Variants in ZEB2 observed in about 807,000 individuals in gnomAD.
ZEB2 encodes the protein zinc finger E-box-binding homeobox 2.
In ZEB2, 6 loss-of-function variants were observed where a neutral mutation model predicts 99.9. The observed-to-expected ratio is 0.06, with a 90% CI of 0.03 to 0.12. The LOEUF (loss-of-function observed/expected upper bound fraction) is 0.12, where lower values mean the gene tolerates loss of function less well. ZEB2 is among the 10% of genes least tolerant of loss of function. The probability of loss-of-function intolerance (pLI) is 1.00; values close to 1 mark genes in which losing one functional copy is unlikely to be tolerated. For missense variants in ZEB2, 969 were observed against 1,502.8 expected (o/e 0.64, Z 5.87); for synonymous variants, 517 against 542.5 (o/e 0.95, Z 0.65).
intron 2 of ZEB2, among the ~76,000 whole-genome samples, chr2:144,498,458 C>T (rs1415395306): frequency 6.6e-6 from 1 of 151,718 alleles, no homozygotes. Context: ...ATCCAGGAAG[C>T]CATTCTTTGA....
intron 4 of ZEB2, among the ~76,000 whole-genome samples, chr2:144,406,339 A>C (rs953171615): frequency 3.9e-5 from 6 of 152,236 alleles, no homozygotes; most frequent in Admixed American, 3.9e-4. Flanking sequence ...GGAAGCCATG[A>C]GAGAGATTAA....
chr2:144,487,360 CAA>C (rs1185313098), intron 2 of ZEB2, among the ~76,000 whole-genome samples: 2 of 151,932 alleles, frequency 1.3e-5, no homozygotes, highest in Admixed American at 1.3e-4. Flanking sequence ...ATATCAGGAA[CAA>C]TTTTGAATGA....
intron 2 of ZEB2, among the ~76,000 whole-genome samples, chr2:144,482,680 T>C (rs1214595631): frequency 2.0e-5 from 3 of 152,172 alleles, no homozygotes; most frequent in Admixed American, 2.0e-4. Flanking sequence ...ACCTCTGTCC[T>C]AAAAGTTTTC....
chr2:144,449,477 C>G lies in ZEB2; in HGVS notation c.74-19451G>C, dbSNP rs533598756. Among the ~76,000 whole-genome samples the G allele has an allele frequency of 2.6e-4, 40 of 152,312 alleles. 1 individual carries two copies. In the South Asian group the frequency reaches 4.1e-3, roughly 16 times the overall value. ...TAAAAAACAACAATGCTAACAAAAC[C>G]CATGAACACCTATAACAAGTACAGC... On this transcript the variant is annotated intron_variant, in intron 2 of 9. Transcript: ENST00000627532.
At chr2:144,423,704 C>T (rs999966536) in intron 4 of ZEB2, among the ~76,000 whole-genome samples, 2 of 152,054 alleles carry the variant, frequency 1.3e-5, no homozygotes, top group Non-Finnish European at 2.9e-5. Context: ...AATAGAATGA[C>T]AATAGGTTTT....
intron 2 of ZEB2, among the ~76,000 whole-genome samples, chr2:144,433,354 T>C (rs1703798137): frequency 6.6e-6 from 1 of 152,206 alleles, no homozygotes; most frequent in Admixed American, 6.5e-5. Flanking sequence ...CCTATAATTA[T>C]ATACAGGTAC....
In ZEB2 at chr2:144,519,942, C is replaced by T. The variant is rs1375991971; in HGVS notation, c.-73G>A. ...AAGGGGAGGAAAAAAAACCTACCTG[C>T]GAAGTCTTGTTTGTAGTTTTGGCCA... On this transcript the variant is annotated 5_prime_UTR_variant, in exon 1 of 10. Coordinates refer to ENST00000627532, the MANE Select transcript of ZEB2 (RefSeq NM_014795.4). 1 of 449,440 alleles carries T rather than the reference C, an allele frequency of 2.2e-6. No homozygotes were observed. The highest frequency in any genetic ancestry group is 4.4e-6 in the Non-Finnish European group (1 of 224,868). 27.8% of individuals were successfully genotyped at this position (449,440 alleles called of 1,614,324 possible).
intron 2 of ZEB2, among the ~76,000 whole-genome samples, chr2:144,473,322 T>C (rs750707009): frequency 3.3e-5 from 5 of 152,226 alleles, no homozygotes; most frequent in Non-Finnish European, 5.9e-5. Context: ...AGTAGTTTTA[T>C]GTCATGGTAT....
chr2:144,513,761 C>G, intron 2 of ZEB2: 1 of 1,536,078 alleles, frequency 6.5e-7, no homozygotes, highest in Non-Finnish European at 8.7e-7. Context: ...AGCAGCAGGG[C>G]ATCTCCCGCT....
chr2:144,426,916 A>C (rs1703697244), intron 3 of ZEB2: 1 of 152,216 alleles, frequency 6.6e-6, no homozygotes, highest in Non-Finnish European at 1.5e-5. Flanking sequence ...GTTTCAAGTG[A>C]ATCCATATTC....
chr2:144,498,118 T>C lies in ZEB2; in HGVS notation c.73+19160A>G, dbSNP rs181597218. Among the ~76,000 whole-genome samples, 76 of 85,696 alleles carry C rather than the reference T, an allele frequency of 8.9e-4. 2 individuals are homozygous for C. Among genetic ancestry groups the C allele is most frequent in the African/African-American group, 3.9e-3 (74 of 19,064 alleles). The allele number at this position is 85,696 out of a possible 152,430, so 56.2% of individuals were successfully genotyped here. On this transcript the variant is annotated intron_variant, in intron 2 of 9. Coordinates refer to ENST00000627532, the MANE Select transcript of ZEB2 (RefSeq NM_014795.4). ...TTAATATTATATATTATATAATATA[T>C]ATTAATATTATATATTATATAATAT...
intron 2 of ZEB2, chr2:144,430,938 A>G (rs1285495612): frequency 6.6e-6 from 1 of 152,228 alleles, no homozygotes; most frequent in Non-Finnish European, 1.5e-5. Flanking sequence ...AAGAAAGATT[A>G]GAGTAATAAA....
At chr2:144,487,054 A>G (rs1704609065) in intron 2 of ZEB2, among the ~76,000 whole-genome samples, 1 of 152,238 alleles carries the variant, frequency 6.6e-6, no homozygotes, top group Non-Finnish European at 1.5e-5. Flanking sequence ...TGATCAGTTT[A>G]AACTAGAAAA....
chr2:144,393,243 A>G (rs542197945), intron 9 of ZEB2, among the ~76,000 whole-genome samples: 15 of 152,318 alleles, frequency 9.8e-5, no homozygotes, highest in Middle Eastern at 3.4e-3. Flanking sequence ...AGGAAAAGCA[A>G]GCAAGCAATA....
chr2:144,431,665 C>G (rs531245887), intron 2 of ZEB2, among the ~76,000 whole-genome samples: 1 of 151,470 alleles, frequency 6.6e-6, no homozygotes, highest in East Asian at 1.9e-4. Flanking sequence ...GCCCTCAGAT[C>G]TACAAAAAGA....
rs1383459443 is a variant in ZEB2 at position 144,517,322 on chromosome 2, G to A, written c.29C>T (p.Pro10Leu). 2 of 1,613,552 alleles carry A rather than the reference G, an allele frequency of 1.2e-6. No homozygotes were observed. Among genetic ancestry groups the A allele is most frequent in the Non-Finnish European group, 8.5e-7 (1 of 1,179,850 alleles). Reference sequence around the variant, plus strand: ...GGCTTGTTTGCGCCTCTTGCACCGGGGGCCATCCGCCATGATCGGCTGCTT... The same window carrying A: ...GGCTTGTTTGCGCCTCTTGCACCGGAGGCCATCCGCCATGATCGGCTGCTT... MKQPIMADG[P>L]RCKRRKQANP... Residue 10 changes from proline (P) to leucine (L), a missense_variant, in exon 2 of 10, where the codon CCC becomes CTC. This residue lies in a region of ZEB2 where 173 missense variants were observed against 217.7 expected (regional missense o/e 0.79). Coordinates refer to ENST00000627532, the MANE Select transcript of ZEB2 (RefSeq NM_014795.4).
At chr2:144,492,807 A>G (rs1036010805) in intron 2 of ZEB2, among the ~76,000 whole-genome samples, 6 of 152,230 alleles carry the variant, frequency 3.9e-5, no homozygotes, top group African/African-American at 1.4e-4. Flanking sequence ...AATCTGACAT[A>G]AAGTTACCCA....
At chr2:144,495,413 T>C in intron 2 of ZEB2, 1 of 152,180 alleles carries the variant, frequency 6.6e-6, no homozygotes, top group Non-Finnish European at 1.5e-5. Context: ...TTCTACTACA[T>C]TAGGAGGGAA....
rs201579452 is a variant in ZEB2, at chr2:144,400,206, C to A, written c.981G>T (p.Ser327=). ...KRFSHSGSYS[S]HISSKKCIGL... is the part of the protein sequence containing the mutation. ...CAATACATTTCTTGCTGCTGATGTG[C>A]GAACTGTAGGAACCAGAATGGGAGA... Residue 327 remains serine, a synonymous_variant, in exon 8 of 10, where the codon TCG becomes TCT. Transcript: ENST00000627532. 6.2e-7 allele frequency: 1 copy of A among 1,613,712 alleles called. No homozygotes were observed. The highest frequency in any genetic ancestry group is 1.6e-4 in the Middle Eastern group (1 of 6,062).
Sources: allele counts gnomAD v4.1 joint callset (sites outside exome capture counted in the v4.1 genomes callset), GRCh38; gene constraint gnomAD v4.1.1; regional missense constraint gnomAD v4.1.1; transcripts MANE v1.5; gene names NCBI Gene and HGNC (gene_info 2026-07-23, HGNC 2026-07-21).